The following MCPH1 variants were observed in gnomAD, a reference collection of about 807,000 sequenced individuals.
MCPH1 encodes microcephalin 1.
In MCPH1, 104 loss-of-function variants were observed where a neutral mutation model predicts 84.5. The ratio of observed to expected loss-of-function variants is 1.23; its 90% CI spans 1.05 to 1.45. The LOEUF (loss-of-function observed/expected upper bound fraction) is 1.45, where lower values mean the gene tolerates loss of function less well. MCPH1 is among the 40% of genes most tolerant of loss of function. The pLI is 0.00. For synonymous variants in MCPH1, 514 were observed against 366.8 expected (o/e 1.40, Z -4.58); for missense variants, 1,498 against 1,005.7 (o/e 1.49, Z -6.62).
chr8:6,445,048 G>A lies in MCPH1; in HGVS notation c.1326G>A (p.Leu442=), dbSNP rs1311693952. ...AGCTGCCATCAAGCCCTGCTCAGTTGAGCTGCAGAAGTCTTTCTAAGAAGG... is the reference window on the plus strand; with the variant it reads ...AGCTGCCATCAAGCCCTGCTCAGTTAAGCTGCAGAAGTCTTTCTAAGAAGG... ...ESQLPSSPAQ[L]SCRSLSKKER... Residue 442 remains leucine, a synonymous_variant, in exon 8 of 14, where the codon TTG becomes TTA. Transcript: ENST00000344683. 1 of 1,614,188 alleles carries A rather than the reference G, an allele frequency of 6.2e-7. No homozygotes were observed. The highest frequency in any genetic ancestry group is 1.1e-5 in the South Asian group (1 of 91,082).
intron 1 of MCPH1, 95 bp from the exon 2 acceptor site, chr8:6,409,184 C>T (rs1165389933): frequency 3.8e-6 from 4 of 1,066,638 alleles, no homozygotes; most frequent in African/African-American, 3.1e-5. Context: ...CTGTGCCGGC[C>T]TCGGTTTACT....
intron 12 of MCPH1, among the ~76,000 whole-genome samples, chr8:6,572,554 C>A (rs1826746297): frequency 6.6e-6 from 1 of 152,162 alleles, no homozygotes; most frequent in Non-Finnish European, 1.5e-5. Flanking sequence ...AATGCAAAAG[C>A]ACATCACACC....
intron 13 of MCPH1, chr8:6,625,401 T>A (rs1586855778): frequency 1.0e-6 from 1 of 985,462 alleles, no homozygotes; most frequent in Non-Finnish European, 1.2e-6. Context: ...GAGACTTTTT[T>A]TCCTCCCGTT....
At chr8:6,537,078 G>A (rs1011650724) in intron 12 of MCPH1, among the ~76,000 whole-genome samples, 9 of 151,622 alleles carry the variant, frequency 5.9e-5, no homozygotes, top group Admixed American at 1.3e-4. Flanking sequence ...CATCTGCACC[G>A]AACTGCTCTC....
chr8:6,500,363 CAT>C (rs1414761151), intron 12 of MCPH1: 1 of 162,098 alleles, frequency 6.2e-6, no homozygotes, highest in Non-Finnish European at 1.4e-5. Flanking sequence ...TCAAATGCTT[CAT>C]TGAAAAGTTC....
At chr8:6,429,409 GCCCCA>G (rs1326832701) in intron 3 of MCPH1, among the ~76,000 whole-genome samples, 2 of 151,964 alleles carry the variant, frequency 1.3e-5, no homozygotes, top group Non-Finnish European at 2.9e-5. Flanking sequence ...TTTGCCCCCT[GCCCCA>G]CCCCAGACTG....
chr8:6,413,670 A>G (rs1465724442), intron 2 of MCPH1, among the ~76,000 whole-genome samples: 1 of 150,988 alleles, frequency 6.6e-6, no homozygotes, highest in Non-Finnish European at 1.5e-5. Flanking sequence ...TTTTTTACTT[A>G]TGTCATCTTT....
chr8:6,495,670 A>G (rs970943265), intron 11 of MCPH1, among the ~76,000 whole-genome samples: 8 of 152,232 alleles, frequency 5.3e-5, no homozygotes, highest in Non-Finnish European at 1.0e-4. Context: ...TACACCTTCC[A>G]TAAACACCTA....
chr8:6,511,424 T>C (rs1411326838), intron 12 of MCPH1, among the ~76,000 whole-genome samples: 1 of 152,218 alleles, frequency 6.6e-6, no homozygotes, highest in African/African-American at 2.4e-5. Context: ...AAGTGATGAA[T>C]TTTTAAGATT....
intron 12 of MCPH1, chr8:6,521,196 T>G: frequency 6.2e-7 from 1 of 1,613,142 alleles, no homozygotes; most frequent in Non-Finnish European, 8.5e-7. Context: ...GTGGACATCA[T>G]AGTCAGTAAG....
intron 12 of MCPH1, among the ~76,000 whole-genome samples, chr8:6,570,650 T>C (rs919169321): frequency 1.3e-5 from 2 of 152,200 alleles, no homozygotes; most frequent in Non-Finnish European, 2.9e-5. Context: ...TCACAGTTAA[T>C]AGGAGAAAAA....
intron 12 of MCPH1, among the ~76,000 whole-genome samples, chr8:6,589,210 C>G (rs1828248065): frequency 6.6e-6 from 1 of 152,126 alleles, no homozygotes; most frequent in Non-Finnish European, 1.5e-5. Context: ...TTTTACAGAG[C>G]TCACCTTAAT....
intron 12 of MCPH1, chr8:6,508,648 C>T (rs747146247): frequency 6.0e-5 from 35 of 583,206 alleles, no homozygotes; most frequent in South Asian, 1.4e-4. Context: ...CAAGCACAAA[C>T]GCAGGAGAGC....
At position 6,498,925 on chromosome 8, in the gene MCPH1, G is replaced by A. The variant is rs1287987225; in HGVS notation, c.2137-927G>A. 3.3e-5 allele frequency among the ~76,000 whole-genome samples: 5 copies of A among 152,010 alleles called. No homozygotes were observed. In the South Asian group the frequency reaches 8.3e-4, roughly 25 times the overall value. ...AAATTAGCCAGGTGTGGTGGTGGGC[G>A]CCTGTGGTCCCAGCTACTCAAGAGG... On this transcript the variant is annotated intron_variant, in intron 11 of 13. Transcript: ENST00000344683.
rs571854769 is a variant in MCPH1, at chr8:6,648,040, C to G, written c.*4991C>G. The G allele has an allele frequency of 2.0e-5, 3 of 152,314 alleles. No individual in the cohort carries two copies. The highest frequency in any genetic ancestry group is 7.2e-5 in the African/African-American group (3 of 41,556). The allele number at this position is 152,314 out of a possible 1,614,324, so 9.4% of individuals were successfully genotyped here. On this transcript the variant is annotated 3_prime_UTR_variant, in exon 14 of 14. Transcript: ENST00000344683. ...CACAGCAATGAGTGCAGGTAGCTAACACTGACCAACCTGCATCTGGTAGTT... is the reference window on the plus strand; with the variant it reads ...CACAGCAATGAGTGCAGGTAGCTAAGACTGACCAACCTGCATCTGGTAGTT...
chr8:6,624,068 G>C (rs919968691), intron 13 of MCPH1, among the ~76,000 whole-genome samples: 5 of 152,214 alleles, frequency 3.3e-5, no homozygotes, highest in African/African-American at 9.7e-5. Flanking sequence ...CTGCGTCCTT[G>C]TGTGGAGTCA....
intron 11 of MCPH1, among the ~76,000 whole-genome samples, chr8:6,496,201 G>C (rs1055865534): frequency 6.6e-6 from 1 of 152,158 alleles, no homozygotes; most frequent in Non-Finnish European, 1.5e-5. Flanking sequence ...GACAGTGACA[G>C]ATCATCAGGC....
intron 11 of MCPH1, among the ~76,000 whole-genome samples, chr8:6,491,929 G>C (rs1170902103): frequency 6.6e-6 from 1 of 152,158 alleles, no homozygotes; most frequent in Non-Finnish European, 1.5e-5. Flanking sequence ...TAGTGCCACA[G>C]TAAACACACG....
rs1829377439 is a variant in MCPH1, at chr8:6,601,680, TAC to T, written c.2215-19768_2215-19767del. Among the ~76,000 whole-genome samples, 2 of 138,346 alleles carry T rather than the reference TAC, an allele frequency of 1.4e-5. 1 individual carries two copies. Among genetic ancestry groups the T allele is most frequent in the African/African-American group, 6.6e-5 (2 of 30,356 alleles). 90.8% of individuals were successfully genotyped at this position (138,346 alleles called of 152,430 possible). On this transcript the variant is annotated intron_variant, in intron 12 of 13. Coordinates refer to ENST00000344683, the MANE Select transcript of MCPH1 (RefSeq NM_024596.5). ...CACAGACATTAAATACACATGCCAC[TAC>T]ACACAGTGCATACCACACACAACAC... is the stretch of plus-strand genomic sequence containing the variant.
Sources: allele counts gnomAD v4.1 joint callset (sites outside exome capture counted in the v4.1 genomes callset), GRCh38; gene constraint gnomAD v4.1.1; transcripts MANE v1.5; gene names NCBI Gene and HGNC (gene_info 2026-07-23, HGNC 2026-07-21).